The following NAV3 variants were observed in gnomAD, a reference collection of about 807,000 sequenced individuals.
NAV3 encodes pore membrane and/or filament interacting like protein 1.
A neutral mutation model predicts 244.7 loss-of-function variants in NAV3; 87 were observed. The ratio of observed to expected loss-of-function variants is 0.36; its 90% confidence interval spans 0.30 to 0.42. The LOEUF (loss-of-function observed/expected upper bound fraction) is 0.42, where lower values mean the gene tolerates loss of function less well. NAV3 is among the 20% of genes least tolerant of loss of function. The pLI is 1.00. For synonymous variants in NAV3, 1,126 were observed against 1,042.2 expected, an observed-to-expected ratio of 1.08 and a Z score of -1.55; for missense variants, 2,663 against 2,893.3, an observed-to-expected ratio of 0.92 and a Z score of 1.83.
chr12:77,576,036 C>T lies in NAV3; in HGVS notation c.72+3770C>T, dbSNP rs368736174. Among the ~76,000 whole-genome samples, 9 of 152,048 alleles carry T rather than the reference C, an allele frequency of 5.9e-5. No individual in the cohort carries two copies. The South Asian group carries it at 6.2e-4, about 11-fold the overall frequency. ...CTCAGTTTTTCACTTCCCCAAATCA[C>T]GTATTTTACATATTCAGTTTGCCAG... is the stretch of plus-strand genomic sequence containing the variant. On this transcript the variant is annotated intron_variant, in intron 2 of 8. Transcript: ENST00000550042.
At position 77,945,364 on chromosome 12, in the gene NAV3, T is replaced by C. The variant is rs143413396; in HGVS notation, c.414+4231T>C. Reference sequence around the variant, plus strand: ...GTTTCTGTATCATGTCATAAAAGGTTATGATGGGGTGAAGATACGGATACT... The same window carrying C: ...GTTTCTGTATCATGTCATAAAAGGTCATGATGGGGTGAAGATACGGATACT... On this transcript the variant is annotated intron_variant, in intron 3 of 39. Coordinates refer to ENST00000397909, the MANE Select transcript of NAV3 (RefSeq NM_001024383.2). Among the ~76,000 whole-genome samples the C allele has an allele frequency of 4.2e-4, 64 of 152,196 alleles. No individual in the cohort carries two copies. In the East Asian group the frequency reaches 0.012, roughly 29 times the overall value.
intron 1 of NAV3, among the ~76,000 whole-genome samples, chr12:77,905,760 A>G (rs886186432): frequency 6.6e-6 from 1 of 152,218 alleles, no homozygotes; most frequent in African/African-American, 2.4e-5. Context: ...TAAAACGTGT[A>G]TTAAATATGG....
At chr12:77,644,258 A>T (rs1381159903) in intron 2 of NAV3, among the ~76,000 whole-genome samples, 1 of 152,050 alleles carries the variant, frequency 6.6e-6, no homozygotes, top group Non-Finnish European at 1.5e-5. Context: ...GGTTCCCGAG[A>T]TGTTAGAAGA....
intron 19 of NAV3, among the ~76,000 whole-genome samples, chr12:78,139,933 G>T (rs1428208071): frequency 6.6e-6 from 1 of 152,050 alleles, no homozygotes; most frequent in South Asian, 2.1e-4. Flanking sequence ...ATTTTTTAAG[G>T]TTCGAAAGTT....
At chr12:78,168,977 CTAGTTGTATTAA>C (rs1287463959) in intron 24 of NAV3, 111 bp downstream of exon 24, 23 of 624,898 alleles carry the variant, frequency 3.7e-5, no homozygotes, top group African/African-American at 7.5e-5. Context: ...TTAATACATA[CTAGTTGTATTAA>C]TAGTTGTATT....
intron 2 of NAV3, among the ~76,000 whole-genome samples, chr12:77,625,662 T>C (rs368119464): frequency 3.3e-5 from 5 of 152,294 alleles, no homozygotes; most frequent in Middle Eastern, 3.4e-3. Context: ...CCTAAGCTAC[T>C]GAGAAACAAA....
intron 1 of NAV3, among the ~76,000 whole-genome samples, chr12:77,891,683 A>G (rs1565894727): frequency 6.6e-6 from 1 of 152,250 alleles, no homozygotes; most frequent in Admixed American, 6.5e-5. Context: ...AACACTGTTT[A>G]GTGAAACTGA....
chr12:77,846,100 A>C (rs985393095), intron 1 of NAV3, among the ~76,000 whole-genome samples: 1 of 152,216 alleles, frequency 6.6e-6, no homozygotes, highest in Admixed American at 6.5e-5. Context: ...GGATAGGCTT[A>C]TGTAGCTGAG....
At chr12:77,710,136 G>A (rs552142997) in intron 2 of NAV3, among the ~76,000 whole-genome samples, 17 of 152,228 alleles carry the variant, frequency 1.1e-4, no homozygotes, top group Non-Finnish European at 1.9e-4. Context: ...TTATTAGGGC[G>A]TGCACTTTTT....
At chr12:77,591,909 A>G (rs187977730) in intron 2 of NAV3, among the ~76,000 whole-genome samples, 108 of 152,362 alleles carry the variant, frequency 7.1e-4, no homozygotes, top group African/African-American at 2.5e-3. Context: ...TAAATGTTAC[A>G]AATTTCTGAG....
chr12:77,717,207 G>T (rs1393540850), intron 2 of NAV3, among the ~76,000 whole-genome samples: 1 of 151,890 alleles, frequency 6.6e-6, no homozygotes. Context: ...GCATATTATT[G>T]TACCGCAGAA....
At chr12:77,942,992 C>T (rs919989074) in intron 3 of NAV3, among the ~76,000 whole-genome samples, 1 of 152,142 alleles carries the variant, frequency 6.6e-6, no homozygotes, top group Non-Finnish European at 1.5e-5. Context: ...TCTAGAAACT[C>T]TTACCTACTT....
At position 77,694,944 on chromosome 12, in the gene NAV3, A is replaced by G. The variant is rs74652861; in HGVS notation, c.72+122678A>G. On this transcript the variant is annotated intron_variant, in intron 2 of 8. Transcript: ENST00000550042. ...CAGGGACACAGCAAGGTTCTTTCCA[A>G]TGGAAGTTGTATTACACCACTGGGT... is the stretch of plus-strand genomic sequence containing the variant. Among the ~76,000 whole-genome samples, 887 of 152,274 alleles carry G rather than the reference A, an allele frequency of 5.8e-3. 11 individuals are homozygous for G. The highest frequency in any genetic ancestry group is 0.02 in the African/African-American group (840 of 41,566).
intron 1 of NAV3, among the ~76,000 whole-genome samples, chr12:77,913,349 A>G (rs370487365): frequency 1.1e-4 from 16 of 152,206 alleles, no homozygotes; most frequent in African/African-American, 3.6e-4. Flanking sequence ...GAAAAAGAGT[A>G]AATGTTAGAA....
chr12:77,602,050 C>A (rs1870457987), intron 2 of NAV3, among the ~76,000 whole-genome samples: 1 of 152,004 alleles, frequency 6.6e-6, no homozygotes, highest in Admixed American at 6.6e-5. Flanking sequence ...CCAAACACTG[C>A]AGGTTTAGCA....
intron 2 of NAV3, among the ~76,000 whole-genome samples, chr12:77,774,949 T>C (rs1032218935): frequency 6.6e-6 from 1 of 152,190 alleles, no homozygotes; most frequent in Non-Finnish European, 1.5e-5. Flanking sequence ...TGAGGACCCA[T>C]TGGATGAATG....
rs367648292 is a variant in NAV3, at chr12:78,133,233, T to C, written c.4442-3944T>C. On this transcript the variant is annotated intron_variant, in intron 18 of 39. Transcript: ENST00000397909. ...TTCAAATCAGGCATTTTGAGATCTT[T>C]ATGCTGTATGGTTTCAGAGTGGAAA... Among the ~76,000 whole-genome samples the C allele has an allele frequency of 1.2e-4, 18 of 152,238 alleles. No individual in the cohort carries two copies. In the East Asian group the frequency reaches 3.1e-3, roughly 26 times the overall value.
chr12:77,898,671 C>T (rs148082414), intron 1 of NAV3, among the ~76,000 whole-genome samples: 356 of 152,172 alleles, frequency 2.3e-3, no homozygotes, highest in African/African-American at 7.8e-3. Context: ...AATGGTTGTC[C>T]GTTCTATAAG....
At chr12:78,089,668 A>C (rs1953820450) in intron 12 of NAV3, among the ~76,000 whole-genome samples, 1 of 152,154 alleles carries the variant, frequency 6.6e-6, no homozygotes, top group South Asian at 2.1e-4. Flanking sequence ...ATTAGAACTC[A>C]AGGTATGATG....
Sources: allele counts gnomAD v4.1 joint callset (sites outside exome capture counted in the v4.1 genomes callset), GRCh38; gene constraint gnomAD v4.1.1; transcripts MANE v1.5; gene names NCBI Gene and HGNC (gene_info 2026-07-23, HGNC 2026-07-21).